KIF21A: variants seen among roughly 807,000 people sequenced by gnomAD.
The protein encoded by KIF21A is kinesin family member 21A, also known as kinesin-like protein KIF21A.
Under a neutral mutation model 202.9 loss-of-function variants are expected in KIF21A, and 114 were observed. The ratio of observed to expected loss-of-function variants is 0.56; its 90% CI spans 0.48 to 0.66. The LOEUF (loss-of-function observed/expected upper bound fraction) is 0.66. Among genes scored for constraint, KIF21A ranks in the 30% least tolerant of loss-of-function variants. The pLI, the probability that KIF21A is intolerant of heterozygous loss-of-function variation, is 0.00. For synonymous variants in KIF21A, 667 were observed against 670.8 expected, an observed-to-expected ratio of 0.99 and a Z score of 0.09; for missense variants, 1,677 against 1,994.9, an observed-to-expected ratio of 0.84 and a Z score of 3.04.
At chr12:39,353,295 G>T (rs1180889046) in intron 10 of KIF21A, among the ~76,000 whole-genome samples, 1 of 152,062 alleles carries the variant, frequency 6.6e-6, no homozygotes, top group Non-Finnish European at 1.5e-5. Flanking sequence ...AAAGTGTTGG[G>T]ATTACAGGAA....
chr12:39,348,783 A>T (rs1948118296), intron 11 of KIF21A, among the ~76,000 whole-genome samples: 2 of 146,190 alleles, frequency 1.4e-5, no homozygotes, highest in African/African-American at 2.5e-5. Flanking sequence ...ACAACAAGAT[A>T]AAAAAAAAAA....
chr12:39,413,884 A>T (rs533852911), intron 1 of KIF21A, among the ~76,000 whole-genome samples: 1 of 152,180 alleles, frequency 6.6e-6, no homozygotes, highest in Non-Finnish European at 1.5e-5. Flanking sequence ...AAGTGTAAAT[A>T]GTTATCTCAT....
At chr12:39,419,120 T>G (rs913124485) in intron 1 of KIF21A, among the ~76,000 whole-genome samples, 1 of 152,160 alleles carries the variant, frequency 6.6e-6, no homozygotes, top group Non-Finnish European at 1.5e-5. Flanking sequence ...CATGAAATGG[T>G]ATGACATGGA....
chr12:39,346,179 T>C (rs1055418786), intron 12 of KIF21A, among the ~76,000 whole-genome samples: 4 of 152,062 alleles, frequency 2.6e-5, no homozygotes, highest in African/African-American at 9.7e-5. Flanking sequence ...GTTATTTTTA[T>C]CCTACAAAAG....
intron 31 of KIF21A, among the ~76,000 whole-genome samples, chr12:39,314,853 G>A (rs557005760): frequency 1.3e-5 from 2 of 151,624 alleles, no homozygotes; most frequent in East Asian, 1.9e-4. Flanking sequence ...TCATTCTTAT[G>A]TATTTTTATG....
intron 37 of KIF21A, among the ~76,000 whole-genome samples, chr12:39,296,788 G>A (rs1313356885): frequency 2.0e-5 from 3 of 152,226 alleles, no homozygotes; most frequent in African/African-American, 7.2e-5. Context: ...CAGATGATAA[G>A]GCAAGGGCGA....
At chr12:39,330,942 A>G in intron 22 of KIF21A, 31 bp from the exon 23 acceptor site, 2 of 1,609,114 alleles carry the variant, frequency 1.2e-6, no homozygotes, top group Non-Finnish European at 8.5e-7. Flanking sequence ...ATCTTAGGTC[A>G]TACGAAACAG....
At chr12:39,348,488 A>C (rs78067530) in intron 11 of KIF21A, among the ~76,000 whole-genome samples, 2,285 of 152,194 alleles carry the variant, frequency 0.015, 47 homozygotes, top group African/African-American at 0.051. Flanking sequence ...GAAGAAGGTG[A>C]AACTTTCAAA....
At chr12:39,334,547 TTTAA>T (rs1232219089) in intron 17 of KIF21A, among the ~76,000 whole-genome samples, 2 of 150,250 alleles carry the variant, frequency 1.3e-5, no homozygotes, top group Non-Finnish European at 3.0e-5. Flanking sequence ...TAATATGTTT[TTTAA>T]TTAATGAATT....
intron 1 of KIF21A, among the ~76,000 whole-genome samples, chr12:39,398,670 A>G (rs1221856474): frequency 6.6e-6 from 1 of 152,210 alleles, no homozygotes; most frequent in Non-Finnish European, 1.5e-5. Context: ...TTTTGAAAAT[A>G]TGTAATTCTG....
At chr12:39,319,181 T>C (rs1024573737) in intron 28 of KIF21A, among the ~76,000 whole-genome samples, 3 of 152,194 alleles carry the variant, frequency 2.0e-5, no homozygotes, top group Admixed American at 2.0e-4. Context: ...ACTTCACTAA[T>C]ATTTAAATGT....
chr12:39,386,401 A>G (rs1592476704), intron 1 of KIF21A, among the ~76,000 whole-genome samples: 1 of 152,212 alleles, frequency 6.6e-6, no homozygotes, highest in East Asian at 1.9e-4. Flanking sequence ...GACTGCTTAT[A>G]GTCTGGTTGT....
At chr12:39,355,731 A>G (rs1592304452) in intron 10 of KIF21A, among the ~76,000 whole-genome samples, 2 of 144,502 alleles carry the variant, frequency 1.4e-5, no homozygotes, top group East Asian at 4.0e-4. Flanking sequence ...ATATATATAT[A>G]TATGTTATAT....
intron 15 of KIF21A, among the ~76,000 whole-genome samples, chr12:39,340,635 C>T (rs755009945): frequency 6.6e-6 from 1 of 151,966 alleles, no homozygotes; most frequent in African/African-American, 2.4e-5. Context: ...AGTAAGTAAA[C>T]AGCCTAGGCA....
intron 1 of KIF21A, among the ~76,000 whole-genome samples, chr12:39,399,410 T>C (rs1401169763): frequency 6.6e-6 from 1 of 152,078 alleles, no homozygotes; most frequent in Non-Finnish European, 1.5e-5. Flanking sequence ...CTTGGGACAT[T>C]TGTAGTTAAT....
At chr12:39,304,628 T>C (rs1477031571) in intron 35 of KIF21A, among the ~76,000 whole-genome samples, 193 bp downstream of exon 35, 5 of 151,968 alleles carry the variant, frequency 3.3e-5, no homozygotes, top group South Asian at 2.1e-4. Flanking sequence ...CTTTCTTCTA[T>C]GAAAAGTGAG....
At chr12:39,378,260 T>C (rs1291678209) in intron 1 of KIF21A, among the ~76,000 whole-genome samples, 1 of 152,184 alleles carries the variant, frequency 6.6e-6, no homozygotes, top group Non-Finnish European at 1.5e-5. Context: ...AGAACACTGA[T>C]AAAAGTTCTC....
chr12:39,341,158 C>A (rs1947408513), intron 14 of KIF21A, 64 bp from the exon 15 acceptor site: 6 of 1,253,784 alleles, frequency 4.8e-6, no homozygotes, highest in Admixed American at 2.0e-5. Flanking sequence ...TTCTAGCTTT[C>A]AAGCAGACCA....
At chr12:39,352,320 G>A (rs778438233) in intron 10 of KIF21A, among the ~76,000 whole-genome samples, 1 of 152,012 alleles carries the variant, frequency 6.6e-6, no homozygotes, top group African/African-American at 2.4e-5. Flanking sequence ...TTTCCAAAAT[G>A]CATTTCAACA....
Sources: gnomAD v4.1 joint callset for allele counts (sites outside exome capture counted in the v4.1 genomes callset) on GRCh38, gnomAD v4.1.1 for gene constraint, MANE v1.5 for transcripts, NCBI Gene and HGNC (gene_info 2026-07-23, HGNC 2026-07-21) for gene names.